Variants in TAFA5 observed in about 807,000 individuals in gnomAD.
TAFA5 encodes TAFA chemokine like family member 5, also known as chemokine-like protein TAFA-5.
TAFA5 carries 6 observed loss-of-function variants against 15.3 expected under a neutral mutation model. The observed-to-expected ratio is 0.39, with a 90% CI of 0.21 to 0.77. The LOEUF (loss-of-function observed/expected upper bound fraction) is 0.77, where lower values mean the gene tolerates loss of function less well. TAFA5 is among the 30% of genes least tolerant of loss of function. TAFA5 has a pLI of 0.41. For missense variants in TAFA5, 161 were observed against 193.1 expected, an observed-to-expected ratio of 0.83 and a Z score of 0.98; for synonymous variants, 103 against 80.7, an observed-to-expected ratio of 1.28 and a Z score of -1.48.
At chr22:48,706,058 C>T (rs879505086) in intron 2 of TAFA5, among the ~76,000 whole-genome samples, 3 of 152,310 alleles carry the variant, frequency 2.0e-5, no homozygotes, top group Admixed American at 2.0e-4. Flanking sequence ...GGGCTGGGGG[C>T]CATGGGGGCC....
Position 48,623,469 on chromosome 22 carries a change from C to T in TAFA5, c.113-23128C>T, listed in dbSNP as rs147111973. The stretch of plus-strand genomic sequence containing the variant: ...TGGCCCTGCGCGGTGACCTGTGGGA[C>T]GGGACGCAGCCCGTGATGTGTTTGT... On this transcript the variant is annotated intron_variant, in intron 1 of 3. Transcript: ENST00000402357. Among the ~76,000 whole-genome samples, 76 of 152,220 alleles carry T rather than the reference C, an allele frequency of 5.0e-4. 1 individual carries two copies. In the East Asian group the frequency reaches 0.013, roughly 27 times the overall value.
chr22:48,529,367 G>A (rs1921891506), intron 1 of TAFA5, among the ~76,000 whole-genome samples: 1 of 124,440 alleles, frequency 8.0e-6, no homozygotes, highest in Non-Finnish European at 1.7e-5. Context: ...TGTCAGGCGG[G>A]AGATGGGGAT....
chr22:48,711,186 C>G (rs138350854), intron 3 of TAFA5, among the ~76,000 whole-genome samples: 11 of 152,252 alleles, frequency 7.2e-5, no homozygotes, highest in African/African-American at 2.4e-4. Context: ...TGTCCACTTC[C>G]AGGCTAGTGA....
intron 1 of TAFA5, chr22:48,576,395 G>A (rs1203003090): frequency 3.3e-6 from 4 of 1,229,472 alleles, no homozygotes; most frequent in Admixed American, 4.3e-5. Flanking sequence ...GGGCGGCCGC[G>A]GAGGCTGCAC....
At chr22:48,687,216 G>A (rs1928389839) in intron 2 of TAFA5, among the ~76,000 whole-genome samples, 1 of 151,422 alleles carries the variant, frequency 6.6e-6, no homozygotes, top group South Asian at 2.1e-4. Context: ...GTGGTGTATG[G>A]TGGATGGATT....
intron 1 of TAFA5, among the ~76,000 whole-genome samples, chr22:48,628,195 C>A (rs901254861): frequency 4.6e-5 from 7 of 152,192 alleles, no homozygotes; most frequent in African/African-American, 1.7e-4. Flanking sequence ...GGGCATTTGG[C>A]AGCACAGGCT....
At chr22:48,647,890 C>T (rs574844038) in intron 2 of TAFA5, among the ~76,000 whole-genome samples, 25 of 152,276 alleles carry the variant, frequency 1.6e-4, no homozygotes, top group Admixed American at 7.2e-4. Flanking sequence ...GGGTCCCTGA[C>T]GCCACTTCTT....
chr22:48,614,457 G>C (rs548325754), intron 1 of TAFA5, among the ~76,000 whole-genome samples: 3 of 152,202 alleles, frequency 2.0e-5, no homozygotes, highest in Non-Finnish European at 4.4e-5. Context: ...TGGTTTGCAC[G>C]ACACTTGCTG....
At chr22:48,642,623 G>A (rs1017381679) in intron 1 of TAFA5, among the ~76,000 whole-genome samples, 1 of 152,188 alleles carries the variant, frequency 6.6e-6, no homozygotes, top group African/African-American at 2.4e-5. Context: ...AGAGATTGGG[G>A]TGTGTGGGAG....
At chr22:48,580,655 C>T (rs577877213) in intron 1 of TAFA5, among the ~76,000 whole-genome samples, 22 of 152,260 alleles carry the variant, frequency 1.4e-4, no homozygotes, top group Admixed American at 1.0e-3. Flanking sequence ...ACTCACTGCA[C>T]GCGGTGTGTG....
At chr22:48,630,224 G>A (rs1394116260) in intron 1 of TAFA5, among the ~76,000 whole-genome samples, 1 of 152,194 alleles carries the variant, frequency 6.6e-6, no homozygotes, top group African/African-American at 2.4e-5. Context: ...TCTGCTTGCA[G>A]AACGCTGCTG....
intron 1 of TAFA5, among the ~76,000 whole-genome samples, chr22:48,584,138 C>G (rs1228146091): frequency 6.9e-6 from 1 of 145,462 alleles, no homozygotes; most frequent in South Asian, 2.2e-4. Context: ...CATGCACACA[C>G]CCCCCCACAA....
chr22:48,700,990 G>C (rs1276822592), intron 2 of TAFA5, among the ~76,000 whole-genome samples: 1 of 152,166 alleles, frequency 6.6e-6, no homozygotes, highest in Non-Finnish European at 1.5e-5. Context: ...CCAAGTTCAG[G>C]CTGGGGAGGA....
intron 2 of TAFA5, among the ~76,000 whole-genome samples, chr22:48,686,074 G>A (rs887172449): frequency 6.6e-6 from 1 of 152,270 alleles, no homozygotes. Flanking sequence ...GGTGCTGAGT[G>A]GGGTCAGCAC....
At chr22:48,623,247 C>T (rs113435208) in intron 1 of TAFA5, among the ~76,000 whole-genome samples, 2,195 of 148,068 alleles carry the variant, frequency 0.015, 89 homozygotes, top group African/African-American at 0.055. Context: ...GGACGTGCCG[C>T]GTGGCCCTGC....
rs1930503514 is a variant in TAFA5 at position 48,751,735 on chromosome 22, G to GCAGCCTCT, written c.*1888_*1889insCAGCCTCT. The GCAGCCTCT allele has an allele frequency of 1.3e-5, 2 of 152,436 alleles. No homozygotes were observed. The highest frequency in any genetic ancestry group is 4.8e-5 in the African/African-American group (2 of 41,464). The allele number at this position is 152,436 out of a possible 1,614,324, so 9.4% of individuals were successfully genotyped here. A position where few individuals can be genotyped will look rare whatever the true frequency, so the allele number is the denominator to read the frequency against. On this transcript the variant is annotated 3_prime_UTR_variant, in exon 4 of 4. Coordinates refer to ENST00000402357, the MANE Select transcript of TAFA5 (RefSeq NM_001082967.3). ...AAGCTGCCCCGGCTCCGGCGGCCCG[G>GCAGCCTCT]GCCGGCAGCCTCTGCCAGCCAGCGT... is the stretch of plus-strand genomic sequence containing the variant.
chr22:48,590,960 T>C (rs561196187), intron 1 of TAFA5, among the ~76,000 whole-genome samples: 1 of 152,118 alleles, frequency 6.6e-6, no homozygotes, highest in South Asian at 2.1e-4. Context: ...CAAGCAGTTC[T>C]CCCGCCTCAG....
intron 1 of TAFA5, among the ~76,000 whole-genome samples, chr22:48,575,784 C>T (rs1176631144): frequency 2.8e-5 from 4 of 143,678 alleles, no homozygotes; most frequent in African/African-American, 5.0e-5. Flanking sequence ...GCCGCGGGCT[C>T]GGCCGGGCCG....
At chr22:48,602,974 A>G (rs968795815) in intron 1 of TAFA5, among the ~76,000 whole-genome samples, 2 of 152,096 alleles carry the variant, frequency 1.3e-5, no homozygotes, top group Non-Finnish European at 2.9e-5. Context: ...TGCTCTACCA[A>G]TGCCTCCTGG....
Sources: gnomAD v4.1 joint callset for allele counts (sites outside exome capture counted in the v4.1 genomes callset) on GRCh38, gnomAD v4.1.1 for gene constraint, MANE v1.5 for transcripts, NCBI Gene and HGNC (gene_info 2026-07-23, HGNC 2026-07-21) for gene names.